The following ANKS1B variants were observed in gnomAD, a reference collection of about 807,000 sequenced individuals.
ANKS1B encodes the protein ankyrin repeat and sterile alpha motif domain-containing protein 1B.
ANKS1B carries 36 observed loss-of-function variants against 148.3 expected under a neutral mutation model. That is an observed-to-expected ratio of 0.24 (90% CI 0.19 to 0.32). ANKS1B has a LOEUF of 0.32. Among genes scored for constraint, ANKS1B ranks in the 10% least tolerant of loss-of-function variants. ANKS1B has a pLI of 1.00. For missense variants in ANKS1B, 1,157 were observed against 1,542.6 expected (o/e 0.75, Z 4.19); for synonymous variants, 542 against 560.8 (o/e 0.97, Z 0.47).
chr12:99,555,218 T>C (rs959722586), intron 9 of ANKS1B, among the ~76,000 whole-genome samples: 5 of 152,148 alleles, frequency 3.3e-5, no homozygotes, highest in African/African-American at 1.2e-4. Flanking sequence ...TTTTAAGTTC[T>C]GGGAGAAATT....
At chr12:98,967,631 A>AGAGGG (rs1454015260) in intron 17 of ANKS1B, among the ~76,000 whole-genome samples, 1 of 76,746 alleles carries the variant, frequency 1.3e-5, no homozygotes, top group African/African-American at 7.6e-5. Flanking sequence ...AGAGGGTAGA[A>AGAGGG]GAGGGGAGGG....
At chr12:99,915,243 A>G (rs2094137042) in intron 1 of ANKS1B, among the ~76,000 whole-genome samples, 1 of 150,732 alleles carries the variant, frequency 6.6e-6, no homozygotes, top group African/African-American at 2.4e-5. Flanking sequence ...AAAAAAAAAA[A>G]GCTCCAACTG....
intron 9 of ANKS1B, among the ~76,000 whole-genome samples, chr12:99,638,404 T>A (rs185947742): frequency 9.9e-5 from 15 of 152,210 alleles, no homozygotes; most frequent in African/African-American, 3.6e-4. Context: ...GTGTCTCAGA[T>A]GGAGATGAGG....
chr12:99,737,179 C>T lies in ANKS1B; in HGVS notation c.1128+35743G>A, dbSNP rs189915777. 3.0e-4 allele frequency among the ~76,000 whole-genome samples: 46 copies of T among 152,214 alleles called. No homozygotes were observed. In the South Asian group the frequency reaches 5.4e-3, roughly 18 times the overall value. On this transcript the variant is annotated intron_variant, in intron 8 of 26. Transcript: ENST00000683438. ...ACCATGAGATTCAGCAATCACACTG[C>T]TGGTTATTTATCATCAAAGGAAGGA...
chr12:99,327,233 T>TAATAATTATAATTTTTTATAATTATATA, intron 12 of ANKS1B, among the ~76,000 whole-genome samples: 1 of 108,188 alleles, frequency 9.2e-6, no homozygotes, highest in Admixed American at 1.1e-4. Flanking sequence ...TTTATAATTA[T>TAATAATTATAATTTTTTATAATTATATA]AATAATTATA....
intron 10 of ANKS1B, among the ~76,000 whole-genome samples, chr12:99,493,604 A>G (rs949125678): frequency 2.0e-5 from 3 of 152,212 alleles, no homozygotes; most frequent in African/African-American, 7.2e-5. Flanking sequence ...AAAAGTCACA[A>G]GACCTGGCGC....
intron 12 of ANKS1B, among the ~76,000 whole-genome samples, chr12:99,344,306 G>C: frequency 6.6e-6 from 1 of 152,058 alleles, no homozygotes; most frequent in East Asian, 1.9e-4. Context: ...CTTTGAGAAA[G>C]CTTCCCTGTT....
intron 1 of ANKS1B, among the ~76,000 whole-genome samples, chr12:99,897,493 T>C (rs755880164): frequency 2.6e-5 from 4 of 151,234 alleles, no homozygotes; most frequent in Admixed American, 6.6e-5. Flanking sequence ...GAATTACTAT[T>C]AAACTAGTGA....
At chr12:98,927,321 G>T (rs1236660959) in intron 17 of ANKS1B, among the ~76,000 whole-genome samples, 1 of 152,226 alleles carries the variant, frequency 6.6e-6, no homozygotes, top group South Asian at 2.1e-4. Context: ...ATCACTAGCA[G>T]ATCTTGCTCC....
Position 99,465,440 on chromosome 12 carries a change from C to A in ANKS1B, c.1439-21631G>T, listed in dbSNP as rs1595355896. Among the ~76,000 whole-genome samples the A allele has an allele frequency of 2.0e-5, 3 of 152,278 alleles. No homozygotes were observed. In the South Asian group the frequency reaches 6.2e-4, roughly 32 times the overall value. Reference sequence around the variant, plus strand: ...ATGACAGGATCAAATTCAAACATAACAGTATTAACTTTAAATGTAAATGGA... The same window carrying A: ...ATGACAGGATCAAATTCAAACATAAAAGTATTAACTTTAAATGTAAATGGA... On this transcript the variant is annotated intron_variant, in intron 10 of 26. Transcript: ENST00000683438.
intron 17 of ANKS1B, among the ~76,000 whole-genome samples, chr12:98,986,295 T>C (rs1392211169): frequency 2.6e-5 from 4 of 152,144 alleles, no homozygotes; most frequent in Admixed American, 6.6e-5. Flanking sequence ...CAGGCATTTC[T>C]TCTGTGCATT....
chr12:98,904,039 C>T (rs1265255962), intron 17 of ANKS1B, among the ~76,000 whole-genome samples: 1 of 151,406 alleles, frequency 6.6e-6, no homozygotes, highest in African/African-American at 2.4e-5. Flanking sequence ...ATTTAATTCT[C>T]AAATTAAAAA....
At position 99,454,407 on chromosome 12, in the gene ANKS1B, G is replaced by C. The variant is rs766463754; in HGVS notation, c.1439-10598C>G. 8.4e-4 allele frequency among the ~76,000 whole-genome samples: 128 copies of C among 152,298 alleles called. 1 individual carries two copies. Among genetic ancestry groups the C allele is most frequent in the Non-Finnish European group, 1.6e-3 (109 of 68,020 alleles). ...CTGTGTGCTAAAGAGTAGAATGATT[G>C]ACTAGCAGCTTCAAGCCAATAAGAA... On this transcript the variant is annotated intron_variant, in intron 10 of 26. Transcript: ENST00000683438.
intron 12 of ANKS1B, among the ~76,000 whole-genome samples, chr12:99,339,613 C>G (rs1054822668): frequency 1.4e-4 from 22 of 152,120 alleles, no homozygotes; most frequent in African/African-American, 5.1e-4. Context: ...CCACTTCTCT[C>G]CCTATTTCTT....
chr12:99,111,065 C>T (rs142316367), intron 15 of ANKS1B, among the ~76,000 whole-genome samples: 1 of 152,310 alleles, frequency 6.6e-6, no homozygotes, highest in East Asian at 1.9e-4. Flanking sequence ...GGAAGGCAAT[C>T]AGGACAATAA....
chr12:99,652,210 C>A (rs1310226757), intron 9 of ANKS1B, among the ~76,000 whole-genome samples: 1 of 151,962 alleles, frequency 6.6e-6, no homozygotes, highest in Non-Finnish European at 1.5e-5. Context: ...CAGTGGCTCA[C>A]GCCTGTAATA....
intron 17 of ANKS1B, among the ~76,000 whole-genome samples, chr12:98,920,177 T>A (rs1443674441): frequency 1.3e-5 from 2 of 152,254 alleles, no homozygotes; most frequent in African/African-American, 4.8e-5. Flanking sequence ...ATATCTGTCT[T>A]ACTCTTCACA....
At chr12:98,735,203 T>C in exon 10 of ANKS1B, 1 of 399,160 alleles carries the variant, frequency 2.5e-6, no homozygotes, top group Non-Finnish European at 4.4e-6. Context: ...GTTTTGTAGT[T>C]TGCAGATGAG....
chr12:99,426,281 T>C (rs1362906254), intron 11 of ANKS1B, among the ~76,000 whole-genome samples: 1 of 152,186 alleles, frequency 6.6e-6, no homozygotes, highest in Non-Finnish European at 1.5e-5. Flanking sequence ...ATTTCATGTA[T>C]AATTGCAATT....
Sources: allele counts gnomAD v4.1 joint callset (sites outside exome capture counted in the v4.1 genomes callset), GRCh38; gene constraint gnomAD v4.1.1; transcripts MANE v1.5; gene names NCBI Gene and HGNC (gene_info 2026-07-23, HGNC 2026-07-21).